TLL1: variants seen among roughly 807,000 people sequenced by gnomAD.
The protein encoded by TLL1 is tolloid-like protein 1.
In TLL1, 49 loss-of-function variants were observed where a neutral mutation model predicts 128.2. That is an observed-to-expected ratio of 0.38 (90% CI 0.30 to 0.48). The LOEUF (loss-of-function observed/expected upper bound fraction) is 0.48. Among genes scored for constraint, TLL1 ranks in the 20% least tolerant of loss-of-function variants. The pLI, the probability that TLL1 is intolerant of heterozygous loss-of-function variation, is 0.96. For synonymous variants in TLL1, 454 were observed against 418.8 expected (o/e 1.08, Z -1.03); for missense variants, 1,123 against 1,242.0 (o/e 0.90, Z 1.44).
rs1420764275 is a variant in TLL1 at position 166,060,193 on chromosome 4, G to C, written c.2007+5G>C. On this transcript the variant is annotated splice_donor_5th_base_variant and intron_variant, in intron 15 of 20. Transcript: ENST00000061240. ...TTTGAATTGGAAGGCAATGAAGTAA[G>C]TGAACAATAACTGTAATTTTTTAAA... 6.2e-7 allele frequency: 1 copy of C among 1,612,914 alleles called. No individual in the cohort carries two copies. The highest frequency in any genetic ancestry group is 8.5e-7 in the Non-Finnish European group (1 of 1,179,578).
chr4:165,898,613 G>T (rs1235676028), intron 1 of TLL1, among the ~76,000 whole-genome samples: 3 of 152,182 alleles, frequency 2.0e-5, no homozygotes, highest in African/African-American at 7.2e-5. Context: ...TTTTTGATGT[G>T]CTGATGAATT....
intron 1 of TLL1, among the ~76,000 whole-genome samples, chr4:165,949,573 AAAAG>A (rs1285919543): frequency 1.1e-4 from 17 of 152,214 alleles, no homozygotes; most frequent in Admixed American, 1.1e-3. Flanking sequence ...AGCAATTTAC[AAAAG>A]AAAGAGATTG....
chr4:165,961,870 TC>T (rs1311216543), intron 1 of TLL1, among the ~76,000 whole-genome samples: 5 of 152,014 alleles, frequency 3.3e-5, no homozygotes, highest in Non-Finnish European at 7.4e-5. Flanking sequence ...ATATATATGA[TC>T]ATCTCAGTAG....
At chr4:165,932,361 G>A (rs1542909) in intron 1 of TLL1, among the ~76,000 whole-genome samples, 1 of 151,832 alleles carries the variant, frequency 6.6e-6, no homozygotes, top group Non-Finnish European at 1.5e-5. Flanking sequence ...ATTAAAAAAT[G>A]TTGTGTGAAC....
At chr4:166,000,366 G>A (rs1343374970) in intron 5 of TLL1, among the ~76,000 whole-genome samples, 8 of 152,010 alleles carry the variant, frequency 5.3e-5, no homozygotes, top group Admixed American at 5.2e-4. Flanking sequence ...AATTAGTTGG[G>A]GATCAAAACA....
intron 1 of TLL1, among the ~76,000 whole-genome samples, chr4:165,893,831 A>C (rs1337177662): frequency 1.3e-5 from 2 of 152,140 alleles, no homozygotes; most frequent in Non-Finnish European, 2.9e-5. Flanking sequence ...CTCTGGTCCC[A>C]CCTAAAAAAG....
At chr4:165,959,377 T>A (rs780979718) in intron 1 of TLL1, among the ~76,000 whole-genome samples, 7 of 152,206 alleles carry the variant, frequency 4.6e-5, no homozygotes, top group Non-Finnish European at 1.0e-4. Context: ...TTGTATCCTC[T>A]TTTATTTCAT....
At chr4:165,964,782 C>A (rs2110966505) in intron 1 of TLL1, among the ~76,000 whole-genome samples, 1 of 152,126 alleles carries the variant, frequency 6.6e-6, no homozygotes, top group East Asian at 1.9e-4. Context: ...AAATCACCAA[C>A]AACAATTAGC....
At chr4:165,971,687 C>T (rs958571214) in intron 1 of TLL1, among the ~76,000 whole-genome samples, 1 of 152,096 alleles carries the variant, frequency 6.6e-6, no homozygotes, top group Admixed American at 6.6e-5. Context: ...TTCCCTTTGG[C>T]TTTTTATTCT....
At position 165,903,733 on chromosome 4, in the gene TLL1, TCACACA is replaced by T. The variant is rs5863787; in HGVS notation, c.169+29687_169+29692del. ...GCAGAGGTTAGATCTTAAGTTCTTATCACACACACACACACACACACACACACACAC... is the reference window on the plus strand; with the variant it reads ...GCAGAGGTTAGATCTTAAGTTCTTATCACACACACACACACACACACACAC... On this transcript the variant is annotated intron_variant, in intron 1 of 20. Transcript: ENST00000061240. 1.0e-3 allele frequency among the ~76,000 whole-genome samples: 146 copies of T among 144,868 alleles called. 1 individual carries two copies. The highest frequency in any genetic ancestry group is 3.1e-3 in the African/African-American group (122 of 38,776).
chr4:165,951,759 T>C (rs536833051), intron 1 of TLL1, among the ~76,000 whole-genome samples: 1 of 152,166 alleles, frequency 6.6e-6, no homozygotes, highest in African/African-American at 2.4e-5. Flanking sequence ...AGCCATTGTG[T>C]TCTACACTGG....
chr4:165,894,154 G>C (rs1219002447), intron 1 of TLL1, among the ~76,000 whole-genome samples: 1 of 152,040 alleles, frequency 6.6e-6, no homozygotes, highest in East Asian at 1.9e-4. Context: ...AAGCGATAAT[G>C]GCCAAAAATT....
At chr4:166,094,553 A>C (rs895069476) in intron 19 of TLL1, among the ~76,000 whole-genome samples, 17 of 152,148 alleles carry the variant, frequency 1.1e-4, no homozygotes, top group Non-Finnish European at 4.4e-5. Context: ...GATATTCTTT[A>C]AGCCTGCCCT....
intron 1 of TLL1, among the ~76,000 whole-genome samples, chr4:165,881,874 C>T (rs1730982376): frequency 6.6e-6 from 1 of 152,158 alleles, no homozygotes; most frequent in South Asian, 2.1e-4. Context: ...GAGTGCCCTG[C>T]TGCTGGCACA....
intron 1 of TLL1, among the ~76,000 whole-genome samples, chr4:165,900,560 G>GCCCCTACTCT (rs1373628539): frequency 3.3e-5 from 5 of 152,130 alleles, no homozygotes; most frequent in African/African-American, 1.2e-4. Context: ...TTGAATATTG[G>GCCCCTACTCT]CCCCTACTCT....
intron 1 of TLL1, among the ~76,000 whole-genome samples, chr4:165,905,948 C>T (rs1732234227): frequency 6.6e-6 from 1 of 152,124 alleles, no homozygotes; most frequent in Non-Finnish European, 1.5e-5. Flanking sequence ...AGGAATGATT[C>T]TGCTTGCCTT....
chr4:165,900,417 T>A (rs1307944864), intron 1 of TLL1, among the ~76,000 whole-genome samples: 1 of 152,196 alleles, frequency 6.6e-6, no homozygotes, highest in Admixed American at 6.5e-5. Context: ...GGAGCTCTTG[T>A]AAGGCAGGCC....
intron 2 of TLL1, among the ~76,000 whole-genome samples, chr4:165,992,506 TCAAG>T (rs1736692444): frequency 6.6e-6 from 1 of 152,044 alleles, no homozygotes; most frequent in African/African-American, 2.4e-5. Flanking sequence ...CTATGTGATG[TCAAG>T]GTCACAGTAA....
intron 1 of TLL1, among the ~76,000 whole-genome samples, chr4:165,890,837 G>T (rs925392132): frequency 1.3e-5 from 2 of 152,196 alleles, no homozygotes; most frequent in Non-Finnish European, 2.9e-5. Flanking sequence ...TGCCCCAGTG[G>T]GGACTCTGTG....
Sources: allele counts gnomAD v4.1 joint callset (sites outside exome capture counted in the v4.1 genomes callset), GRCh38; gene constraint gnomAD v4.1.1; transcripts MANE v1.5; gene names NCBI Gene and HGNC (gene_info 2026-07-23, HGNC 2026-07-21).